The following MADD variants were observed in gnomAD, a reference collection of about 807,000 sequenced individuals.
MADD encodes MAP kinase activating death domain.
Under a neutral mutation model 176.7 loss-of-function variants are expected in MADD, and 109 were observed. The ratio of observed to expected loss-of-function variants is 0.62; its 90% confidence interval spans 0.53 to 0.72. MADD has a LOEUF of 0.72. Ranked by LOEUF, MADD falls within the 30% of genes least tolerant of loss-of-function variation. MADD has a pLI of 0.00. For synonymous variants in MADD, 771 were observed against 771.3 expected (o/e 1.00, Z 0.01); for missense variants, 1,914 against 2,045.5 (o/e 0.94, Z 1.24).
At chr11:47,276,924 T>A (rs1412829119) in intron 5 of MADD, 61 bp downstream of exon 5, 1 of 1,589,216 alleles carries the variant, frequency 6.3e-7, no homozygotes, top group Non-Finnish European at 8.6e-7. Flanking sequence ...GGAGGCTTAA[T>A]GCTCAAAGAA....
At position 47,284,298 on chromosome 11, in the gene MADD, A is replaced by T. The variant is rs1218375603; in HGVS notation, c.1966+17A>T. 1 of 1,613,288 alleles carries T rather than the reference A, an allele frequency of 6.2e-7. No homozygotes were observed. The highest frequency in any genetic ancestry group is 1.1e-5 in the South Asian group (1 of 91,056). On this transcript the variant is annotated intron_variant, in intron 11 of 32. Coordinates refer to ENST00000402192, the Ensembl canonical transcript of MADD. ...ATACTCCCAGTAAGTGTGCTTGGGG[A>T]GATTGGCCAGCCCTGGGCAGGGGTT... is the stretch of plus-strand genomic sequence containing the variant.
chr11:47,312,587 C>T (rs937518755), intron 26 of MADD, among the ~76,000 whole-genome samples: 1 of 152,164 alleles, frequency 6.6e-6, no homozygotes, highest in Admixed American at 6.5e-5. Context: ...AGGCATGCAC[C>T]ACCACGCCCA....
At chr11:47,315,863 GCT>G (rs1318871949) in intron 27 of MADD, among the ~76,000 whole-genome samples, 2 of 139,866 alleles carry the variant, frequency 1.4e-5, no homozygotes, top group Non-Finnish European at 3.0e-5. Flanking sequence ...ACAGAGTATC[GCT>G]CTGTCACCCA....
At chr11:47,287,169 C>G (rs997207052) in intron 15 of MADD, among the ~76,000 whole-genome samples, 3 of 152,122 alleles carry the variant, frequency 2.0e-5, no homozygotes, top group African/African-American at 2.4e-5. Flanking sequence ...GCTAAAAATA[C>G]AAAAGTTAGC....
chr11:47,321,652 T>G (rs776911154), intron 27 of MADD, among the ~76,000 whole-genome samples: 3 of 152,146 alleles, frequency 2.0e-5, no homozygotes, highest in African/African-American at 7.2e-5. Context: ...CTTTGAGAAG[T>G]TGACCTTTGA....
intron 22 of MADD, 40 bp downstream of exon 24, chr11:47,296,095 A>T: frequency 6.3e-7 from 1 of 1,599,220 alleles, no homozygotes. Context: ...CATTTCTTTA[A>T]TGGGGGAGGG....
chr11:47,280,022 A>G (rs1426136734), intron 7 of MADD, among the ~76,000 whole-genome samples: 4 of 152,260 alleles, frequency 2.6e-5, no homozygotes, highest in Non-Finnish European at 5.9e-5. Flanking sequence ...GTGAGCCAAG[A>G]TTGCGCCATT....
chr11:47,304,138 T>TC (rs1483803465), intron 22 of MADD, among the ~76,000 whole-genome samples: 1 of 152,212 alleles, frequency 6.6e-6, no homozygotes. Flanking sequence ...CTAACTTTTT[T>TC]CCCTCTGACT....
In MADD at chr11:47,276,898, C is replaced by CT. The variant is rs1253580919; in HGVS notation, c.1095+36dup. ...AAGGCGACTTCCGGCTTTCTCACCT[C>CT]TGTCTTCCTGAGGGAGGAGGCTTAA... is the stretch of plus-strand genomic sequence containing the variant. On this transcript the variant is annotated intron_variant, in intron 5 of 32. Coordinates refer to ENST00000402192, the Ensembl canonical transcript of MADD. The CT allele has an allele frequency of 2.0e-5, 32 of 1,610,928 alleles. No homozygotes were observed. The Admixed American group carries it at 5.3e-4, about 27-fold the overall frequency.
intron 22 of MADD, among the ~76,000 whole-genome samples, chr11:47,298,995 A>G (rs896883557): frequency 3.9e-5 from 6 of 152,292 alleles, no homozygotes; most frequent in African/African-American, 1.4e-4. Flanking sequence ...GGCTATAAAT[A>G]TATGGATTTC....
intron 16 of MADD, 130 bp from the exon 18 acceptor site, chr11:47,289,737 G>C (rs2063624091): frequency 2.8e-6 from 3 of 1,063,526 alleles, no homozygotes; most frequent in Non-Finnish European, 2.8e-6. Flanking sequence ...GTGGGGATGT[G>C]GTGCACTTGG....
chr11:47,307,755 G>T (rs1008554818), intron 22 of MADD, among the ~76,000 whole-genome samples: 1 of 151,738 alleles, frequency 6.6e-6, no homozygotes, highest in South Asian at 2.1e-4. Flanking sequence ...TGCAACCTCC[G>T]CCTCCAGGGT....
At chr11:47,327,457 C>T (rs1384415825) in intron 31 of MADD, 35 of 985,290 alleles carry the variant, frequency 3.6e-5, no homozygotes, top group Non-Finnish European at 4.0e-5. Flanking sequence ...AAAGTGACCT[C>T]GGCTCGTGCT....
In MADD at chr11:47,285,151, G is replaced by T; in HGVS notation, c.2368G>T (p.Glu790Ter). 2.5e-6 allele frequency: 4 copies of T among 1,614,134 alleles called. No individual in the cohort carries two copies. The highest frequency in any genetic ancestry group is 3.4e-6 in the Non-Finnish European group (4 of 1,180,034). Reference sequence around the variant, plus strand: ...TGAGGAAGATGAGGATGAGCAGGGGGAAAGTTACACTCCCCGATTCAGCCA... The same window carrying T: ...TGAGGAAGATGAGGATGAGCAGGGGTAAAGTTACACTCCCCGATTCAGCCA... Residue 790 changes from glutamate to a stop codon, truncating the protein, a stop_gained, in exon 13 of 33, where the codon GAA (glutamate) becomes TAA (stop). Transcript: ENST00000402192. LOFTEE classifies it high-confidence loss of function.
chr11:47,282,339 T>C, intron 8 of MADD, 42 bp from the exon 9 acceptor site: 1 of 1,544,406 alleles, frequency 6.5e-7, no homozygotes, highest in Middle Eastern at 1.7e-4. Context: ...TGGGAATCCT[T>C]ACCCTATGGG....
At chr11:47,287,843 T>C (rs1296482611) in intron 15 of MADD, among the ~76,000 whole-genome samples, 2 of 138,182 alleles carry the variant, frequency 1.4e-5, no homozygotes, top group Non-Finnish European at 3.0e-5. Flanking sequence ...CAGGCTGGAG[T>C]GCAGTGGTGC....
intron 31 of MADD, chr11:47,328,161 C>G: frequency 9.8e-7 from 1 of 1,021,506 alleles, no homozygotes; most frequent in Non-Finnish European, 1.2e-6. Context: ...CCTCAAGACC[C>G]TCTGTGTAGG....
At position 47,295,664 on chromosome 11, in the gene MADD, G is replaced by T; in HGVS notation, c.3483+88G>T. 6 of 1,594,672 alleles carry T rather than the reference G, an allele frequency of 3.8e-6. No homozygotes were observed. The South Asian group carries it at 5.6e-5, about 15-fold the overall frequency. On this transcript the variant is annotated intron_variant, in intron 21 of 32. Coordinates refer to ENST00000402192, the Ensembl canonical transcript of MADD. ...GGGTGCTACTTTCTCTTTGGAGGCT[G>T]CTCTGAGTCTCAGGTCAGCATGGTT... is the stretch of plus-strand genomic sequence containing the variant.
exon 33 of MADD, chr11:47,329,330 C>T (rs1336888981): frequency 3.3e-6 from 2 of 598,478 alleles, no homozygotes; most frequent in Non-Finnish European, 6.0e-6. Context: ...TTGAGCGTGT[C>T]CACCTTCTCC....
Sources: allele counts gnomAD v4.1 joint callset (sites outside exome capture counted in the v4.1 genomes callset), GRCh38; gene constraint gnomAD v4.1.1; transcripts MANE v1.5; gene names NCBI Gene and HGNC (gene_info 2026-07-23, HGNC 2026-07-21).